The following ZBTB7C variants were observed in gnomAD, a reference collection of about 807,000 sequenced individuals.
ZBTB7C encodes the protein zinc finger and BTB domain containing 7C, also known as zinc finger and BTB domain-containing protein 7C.
A neutral mutation model predicts 25.7 loss-of-function variants in ZBTB7C; 8 were observed. The observed-to-expected ratio is 0.31, with a 90% CI of 0.18 to 0.56. The LOEUF (loss-of-function observed/expected upper bound fraction) is 0.56, where lower values mean the gene tolerates loss of function less well. Among genes scored for constraint, ZBTB7C ranks in the 20% least tolerant of loss-of-function variants. The pLI is 0.91. For synonymous variants in ZBTB7C, 394 were observed against 369.0 expected, an observed-to-expected ratio of 1.07 and a Z score of -0.78; for missense variants, 824 against 855.2, an observed-to-expected ratio of 0.96 and a Z score of 0.46.
chr18:48,186,312 A>G (rs1407637827), intron 2 of ZBTB7C, among the ~76,000 whole-genome samples: 1 of 152,092 alleles, frequency 6.6e-6, no homozygotes, highest in Non-Finnish European at 1.5e-5. Context: ...TGAGGCCTCC[A>G]CTTCTGTAGC....
In ZBTB7C at chr18:48,192,995, C is replaced by T. The variant is rs182144547; in HGVS notation, c.-78-7000G>A. Among the ~76,000 whole-genome samples the T allele has an allele frequency of 2.1e-4, 32 of 152,290 alleles. No individual in the cohort carries two copies. In the East Asian group the frequency reaches 5.8e-3, roughly 28 times the overall value. ...AAAAATCAACCATTTCAAAACACAA[C>T]GCTCGGTGCCAATAAGTATGGGGCA... On this transcript the variant is annotated intron_variant, in intron 2 of 4. Transcript: ENST00000590800.
chr18:48,043,749 G>A (rs1295461185), intron 3 of ZBTB7C, among the ~76,000 whole-genome samples: 7 of 152,204 alleles, frequency 4.6e-5, no homozygotes, highest in Admixed American at 6.5e-5. Context: ...AAGGGTACAT[G>A]AGATGTCTCT....
chr18:48,396,273 A>C (rs919954190), intron 1 of ZBTB7C, among the ~76,000 whole-genome samples: 6 of 152,226 alleles, frequency 3.9e-5, no homozygotes, highest in African/African-American at 1.4e-4. Context: ...GAGTTCTTGG[A>C]AATTATCCAG....
At position 48,026,754 on chromosome 18, in the gene ZBTB7C, TG is replaced by T. The variant is rs1164794434; in HGVS notation, c.*2505del. Reference sequence around the variant, plus strand: ...GGTCAAAGGTTTTTTTTTTTTTCTTTGTTAAGGTGTCTTTGACATTATTTTA... The same window carrying T: ...GGTCAAAGGTTTTTTTTTTTTTCTTTTTAAGGTGTCTTTGACATTATTTTA... On this transcript the variant is annotated 3_prime_UTR_variant, in exon 5 of 5. Transcript: ENST00000590800. The T allele has an allele frequency of 6.6e-6, 1 of 151,962 alleles. No individual in the cohort carries two copies. The highest frequency in any genetic ancestry group is 6.6e-5 in the Admixed American group (1 of 15,264). 9.4% of individuals were successfully genotyped at this position (151,962 alleles called of 1,614,324 possible).
At chr18:48,266,532 G>A (rs2044319791) in intron 2 of ZBTB7C, among the ~76,000 whole-genome samples, 1 of 152,194 alleles carries the variant, frequency 6.6e-6, no homozygotes, top group African/African-American at 2.4e-5. Flanking sequence ...TAGAGAAACA[G>A]ACTTTGTTTT....
intron 2 of ZBTB7C, among the ~76,000 whole-genome samples, chr18:48,229,373 C>T (rs2043191022): frequency 6.6e-6 from 1 of 152,232 alleles, no homozygotes; most frequent in South Asian, 2.1e-4. Flanking sequence ...TGTACAATAT[C>T]TTGTAAAGTG....
intron 2 of ZBTB7C, among the ~76,000 whole-genome samples, chr18:48,275,032 CA>C (rs566844343): frequency 2.2e-3 from 336 of 152,252 alleles, no homozygotes; most frequent in Non-Finnish European, 4.1e-3. Context: ...AACTTGAAGC[CA>C]AAGTTATTTT....
chr18:48,277,300 G>GA (rs1228420451), intron 2 of ZBTB7C, among the ~76,000 whole-genome samples: 2 of 146,938 alleles, frequency 1.4e-5, no homozygotes, highest in South Asian at 2.3e-4. Flanking sequence ...AAATTTACAA[G>GA]AAAAAAACAA....
intron 1 of ZBTB7C, among the ~76,000 whole-genome samples, chr18:48,382,403 G>A (rs1254374861): frequency 1.3e-5 from 2 of 152,092 alleles, no homozygotes; most frequent in African/African-American, 4.8e-5. Flanking sequence ...ACTATGCCAC[G>A]GCTATTTCCA....
At chr18:48,356,833 C>T (rs1442633415) in intron 1 of ZBTB7C, among the ~76,000 whole-genome samples, 3 of 152,206 alleles carry the variant, frequency 2.0e-5, no homozygotes, top group Admixed American at 2.0e-4. Flanking sequence ...ATTCCCTGAC[C>T]ATCCCAGGCC....
chr18:48,146,645 T>C (rs983137286), intron 3 of ZBTB7C, among the ~76,000 whole-genome samples: 2 of 152,218 alleles, frequency 1.3e-5, no homozygotes, highest in Non-Finnish European at 2.9e-5. Flanking sequence ...ATTTTTAGAT[T>C]TTCCAGTCTG....
chr18:48,270,036 T>C (rs1241213455), intron 2 of ZBTB7C, among the ~76,000 whole-genome samples: 1 of 151,898 alleles, frequency 6.6e-6, no homozygotes, highest in Admixed American at 6.6e-5. Flanking sequence ...AGACAAATAA[T>C]AATGACAAGA....
chr18:48,104,756 G>A (rs1012863183), intron 3 of ZBTB7C, among the ~76,000 whole-genome samples: 1 of 152,216 alleles, frequency 6.6e-6, no homozygotes, highest in Admixed American at 6.5e-5. Flanking sequence ...CCATCAGGTA[G>A]CAAGCTCCAG....
chr18:48,406,010 G>A (rs12958520), intron 1 of ZBTB7C, among the ~76,000 whole-genome samples: 10,972 of 152,068 alleles, frequency 0.072, 509 homozygotes, highest in South Asian at 0.1. Context: ...CTTCCAGTGG[G>A]ACACAGTCAT....
intron 2 of ZBTB7C, among the ~76,000 whole-genome samples, chr18:48,191,295 T>C (rs1201376472): frequency 1.3e-5 from 2 of 152,174 alleles, no homozygotes; most frequent in African/African-American, 4.8e-5. Flanking sequence ...GAGGCCATGA[T>C]GCTTGGTGGT....
At chr18:48,250,129 A>G (rs899265521) in intron 2 of ZBTB7C, among the ~76,000 whole-genome samples, 18 of 152,214 alleles carry the variant, frequency 1.2e-4, no homozygotes, top group Non-Finnish European at 1.5e-4. Flanking sequence ...GGATTTCCCC[A>G]GTGACATGCG....
At chr18:48,179,247 T>C (rs1483693217) in intron 3 of ZBTB7C, among the ~76,000 whole-genome samples, 2 of 152,214 alleles carry the variant, frequency 1.3e-5, no homozygotes, top group East Asian at 3.9e-4. Flanking sequence ...CAACAGAGGC[T>C]TGTCTTTTCT....
upstream of ZBTB7C, among the ~76,000 whole-genome samples, chr18:48,410,208 A>C (rs2048367761): frequency 6.6e-6 from 1 of 152,090 alleles, no homozygotes; most frequent in African/African-American, 2.4e-5. Flanking sequence ...CCTAGCCAGC[A>C]CCTGAAACCG....
At chr18:48,401,442 C>T (rs946686643) in intron 1 of ZBTB7C, among the ~76,000 whole-genome samples, 3 of 152,140 alleles carry the variant, frequency 2.0e-5, no homozygotes, top group African/African-American at 7.2e-5. Flanking sequence ...GGTGAGGAAA[C>T]TGATACTCAG....
Sources: allele counts gnomAD v4.1 joint callset (sites outside exome capture counted in the v4.1 genomes callset), GRCh38; gene constraint gnomAD v4.1.1; transcripts MANE v1.5; gene names NCBI Gene and HGNC (gene_info 2026-07-23, HGNC 2026-07-21).